EDNRB: variants seen among roughly 807,000 people sequenced by gnomAD.
EDNRB encodes the protein endothelin receptor type B, also known as Hirschsprung disease 2.
Under a neutral mutation model 46.4 loss-of-function variants are expected in EDNRB, and 18 were observed. That is an observed-to-expected ratio of 0.39 (90% CI 0.27 to 0.57). The LOEUF (loss-of-function observed/expected upper bound fraction) is 0.57, where lower values mean the gene tolerates loss of function less well. Among genes scored for constraint, EDNRB ranks in the 20% least tolerant of loss-of-function variants. The pLI is 0.61. For synonymous variants in EDNRB, 213 were observed against 204.9 expected (o/e 1.04, Z -0.34); for missense variants, 434 against 537.5 (o/e 0.81, Z 1.90).
intron 1 of EDNRB, among the ~76,000 whole-genome samples, chr13:77,907,204 A>T (rs917147285): frequency 5.3e-5 from 8 of 151,996 alleles, no homozygotes; most frequent in African/African-American, 1.9e-4. Context: ...GGAAGAAATT[A>T]GTATATGAAT....
At chr13:77,911,224 A>G (rs1304361308) in intron 1 of EDNRB, among the ~76,000 whole-genome samples, 1 of 152,064 alleles carries the variant, frequency 6.6e-6, no homozygotes, top group Admixed American at 6.6e-5. Flanking sequence ...AAGACACAGA[A>G]GAATGAGAAC....
upstream of EDNRB, chr13:77,919,293 C>T: frequency 8.0e-7 from 1 of 1,254,498 alleles, no homozygotes; most frequent in Non-Finnish European, 1.1e-6. Context: ...TCTCTATAGG[C>T]TTAATTTTTA....
chr13:77,958,294 A>G (rs1881297593), intron 1 of EDNRB, among the ~76,000 whole-genome samples: 1 of 152,194 alleles, frequency 6.6e-6, no homozygotes, highest in Non-Finnish European at 1.5e-5. Flanking sequence ...TTAAAGCAGA[A>G]TCTTCAGGTT....
At chr13:77,974,955 C>A (rs1881843738) in intron 1 of EDNRB, among the ~76,000 whole-genome samples, 1 of 151,996 alleles carries the variant, frequency 6.6e-6, no homozygotes, top group Non-Finnish European at 1.5e-5. Context: ...TTCTTTGAGG[C>A]AAAACACCAC....
intron 1 of EDNRB, among the ~76,000 whole-genome samples, chr13:77,959,818 A>G (rs1336579434): frequency 6.6e-6 from 1 of 152,236 alleles, no homozygotes; most frequent in Non-Finnish European, 1.5e-5. Context: ...GCTAACTAGA[A>G]TAACCAGTGT....
rs142767792 is a variant in EDNRB at position 77,918,528 on chromosome 13, C to G, written c.46G>C (p.Val16Leu). 1.3e-6 allele frequency: 2 copies of G among 1,591,856 alleles called. No individual in the cohort carries two copies. The highest frequency in any genetic ancestry group is 1.7e-6 in the Non-Finnish European group (2 of 1,171,950). ...ATCCGCGACAGGCCGCAGGCAAGAA[C>G]CAGCGCAACCAGGGCGCGTCCGCAC... ...SLCGRALVAL[V>L]LACGLSRIWG... The change falls in exon 1 of 7, where the codon GTT becomes CTT. Residue 16 changes from valine to leucine, a missense_variant. Physicochemically the swap from Val to Leu is conservative, Grantham distance 32 (BLOSUM62 1). Coordinates refer to ENST00000646607, the MANE Select transcript of EDNRB (RefSeq NM_001122659.3). This position sits in a 1 kb window ranked among gnomAD's most constrained non-coding sequence, Gnocchi z 4.5.
chr13:77,963,773 A>T (rs1881497390), intron 1 of EDNRB, among the ~76,000 whole-genome samples: 1 of 152,204 alleles, frequency 6.6e-6, no homozygotes, highest in Non-Finnish European at 1.5e-5. Flanking sequence ...GACAAATGGG[A>T]TCTAATTAAA....
intron 1 of EDNRB, among the ~76,000 whole-genome samples, chr13:77,971,016 T>C (rs559374220): frequency 6.6e-6 from 1 of 152,286 alleles, no homozygotes; most frequent in African/African-American, 2.4e-5. Context: ...GGGCTTGTTG[T>C]CTTCTTCAGA....
intron 1 of EDNRB, among the ~76,000 whole-genome samples, chr13:77,964,588 C>G (rs773283162): frequency 3.3e-5 from 5 of 151,988 alleles, no homozygotes; most frequent in Non-Finnish European, 7.4e-5. Flanking sequence ...TGAGAACACT[C>G]GGACACAGGA....
rs962280562 is a variant in EDNRB at position 77,965,950 on chromosome 13, C to T, written c.-52+9397G>A. On this transcript the variant is annotated intron_variant, in intron 1 of 7. Transcript: ENST00000646948. ...GGAGTGCAGTGTTGTGATCACAGCT[C>T]ACTGCAGCCTCAACCTTTTGGTCTC... is the stretch of plus-strand genomic sequence containing the variant. 6.6e-5 allele frequency among the ~76,000 whole-genome samples: 10 copies of T among 152,286 alleles called. No individual in the cohort carries two copies. The East Asian group carries it at 9.6e-4, about 15-fold the overall frequency.
rs977413088 is a variant in EDNRB, at chr13:77,918,742, C to T, written c.-169G>A. 3 of 1,330,186 alleles carry T rather than the reference C, an allele frequency of 2.3e-6. No homozygotes were observed. Among genetic ancestry groups the T allele is most frequent in the Non-Finnish European group, 2.9e-6 (3 of 1,045,130 alleles). 82.4% of individuals were successfully genotyped at this position (1,330,186 alleles called of 1,614,324 possible). A position where few individuals can be genotyped will look rare whatever the true frequency, so the allele number is the denominator to read the frequency against. ...CCAGTATCCACGCTCAAAAGTAACT[C>T]AAGTTTGCGCGCCAGTGGGAAACTT... is the stretch of plus-strand genomic sequence containing the variant. On this transcript the variant is annotated 5_prime_UTR_variant, in exon 1 of 7. The change abolishes the stop of an existing upstream ORF in the 5' untranslated region. Transcript: ENST00000646607. This position sits in a 1 kb window ranked among gnomAD's most constrained non-coding sequence, Gnocchi z 4.5.
At chr13:77,938,976 A>G (rs1880652638) in intron 1 of EDNRB, among the ~76,000 whole-genome samples, 1 of 152,194 alleles carries the variant, frequency 6.6e-6, no homozygotes, top group African/African-American at 2.4e-5. Context: ...CACAGCACCA[A>G]ATTTCATGCA....
At chr13:77,919,135 G>T (rs902745742), upstream of EDNRB, 15 of 519,962 alleles carry the variant, frequency 2.9e-5, no homozygotes, top group East Asian at 7.6e-5. Context: ...CTGAGCTACA[G>T]CTCCCGCAGC....
intron 1 of EDNRB, among the ~76,000 whole-genome samples, chr13:77,962,162 C>T (rs1036745958): frequency 1.3e-5 from 2 of 152,114 alleles, no homozygotes; most frequent in African/African-American, 2.4e-5. Context: ...AAAAAACGTC[C>T]AGGACCAAAT....
At chr13:77,965,372 T>C (rs561800753) in intron 1 of EDNRB, among the ~76,000 whole-genome samples, 3 of 152,292 alleles carry the variant, frequency 2.0e-5, no homozygotes, top group Admixed American at 2.0e-4. Flanking sequence ...CAATTATTAC[T>C]TGAGAAGTTT....
upstream of EDNRB, among the ~76,000 whole-genome samples, chr13:77,923,008 A>G (rs922968545): frequency 1.3e-4 from 20 of 152,202 alleles, no homozygotes; most frequent in African/African-American, 4.6e-4. Flanking sequence ...GTGTGATTAA[A>G]TGAGAGAATC....
intron 1 of EDNRB, among the ~76,000 whole-genome samples, chr13:77,935,455 T>C (rs1037867175): frequency 3.9e-5 from 6 of 152,208 alleles, no homozygotes; most frequent in African/African-American, 7.2e-5. Flanking sequence ...GGTTTCTTTT[T>C]GTGAGTTTAT....
At chr13:77,917,050 T>C (rs913638771) in intron 1 of EDNRB, among the ~76,000 whole-genome samples, 3 of 152,138 alleles carry the variant, frequency 2.0e-5, no homozygotes, top group Non-Finnish European at 4.4e-5. Context: ...TGGCTCTTTG[T>C]GTGTTTCTAC....
At chr13:77,932,645 C>T (rs1428204356) in intron 1 of EDNRB, among the ~76,000 whole-genome samples, 2 of 152,200 alleles carry the variant, frequency 1.3e-5, no homozygotes, top group Non-Finnish European at 2.9e-5. Flanking sequence ...ATATTTTGGA[C>T]ATTGAAATTG....
Sources: gnomAD v4.1 joint callset for allele counts (sites outside exome capture counted in the v4.1 genomes callset) on GRCh38, gnomAD v4.1.1 for gene constraint, Gnocchi (gnomAD v3.1) non-coding constraint, MANE v1.5 for transcripts, NCBI Gene and HGNC (gene_info 2026-07-23, HGNC 2026-07-21) for gene names.